WWOX: variants seen among roughly 807,000 people sequenced by gnomAD.
The protein encoded by WWOX is WW domain containing oxidoreductase.
In WWOX, 69 loss-of-function variants were observed where a neutral mutation model predicts 46.2. The observed-to-expected ratio is 1.49, with a 90% confidence interval of 1.23 to 1.82. The LOEUF is 1.82. WWOX is among the 40% of genes most tolerant of loss of function. The pLI, the probability that WWOX is intolerant of heterozygous loss-of-function variation, is 0.00. For missense variants in WWOX, 919 were observed against 542.6 expected, an observed-to-expected ratio of 1.69 and a Z score of -6.89; for synonymous variants, 359 against 202.6, an observed-to-expected ratio of 1.77 and a Z score of -6.56.
chr16:78,187,268 G>T (rs1202559538), intron 5 of WWOX, among the ~76,000 whole-genome samples: 1 of 152,116 alleles, frequency 6.6e-6, no homozygotes, highest in Non-Finnish European at 1.5e-5. Context: ...GCCAAACTTT[G>T]CAAGAGGTGC....
intron 8 of WWOX, among the ~76,000 whole-genome samples, chr16:79,134,224 T>G (rs1282840759): frequency 6.6e-6 from 1 of 152,176 alleles, no homozygotes; most frequent in Non-Finnish European, 1.5e-5. Context: ...GAATCCAATT[T>G]GTTATAAATA....
Position 79,211,749 on chromosome 16 carries a change from C to A in WWOX, c.1198C>A (p.Leu400Ile). 1 of 1,614,214 alleles carries A rather than the reference C, an allele frequency of 6.2e-7. No individual in the cohort carries two copies. Among genetic ancestry groups the A allele is most frequent in the Non-Finnish European group, 8.5e-7 (1 of 1,180,032 alleles). The change falls in exon 9 of 9, where the codon CTC (leucine) becomes ATC (isoleucine). Residue 400 changes from leucine (L) to isoleucine (I), a missense_variant. Transcript: ENST00000566780. ...SEETARTLWA[L>I]SERLIQERLG... The stretch of plus-strand genomic sequence containing the variant: ...AGAGACGGCCCGGACCCTGTGGGCG[C>A]TCAGCGAGAGGCTGATCCAAGAACG...
At chr16:78,594,087 A>G (rs2045417881) in intron 8 of WWOX, among the ~76,000 whole-genome samples, 2 of 152,146 alleles carry the variant, frequency 1.3e-5, no homozygotes, top group South Asian at 4.1e-4. Context: ...CTGCGGCAAG[A>G]GGATGATAAA....
intron 8 of WWOX, among the ~76,000 whole-genome samples, chr16:79,147,684 C>G (rs1400703356): frequency 2.0e-5 from 3 of 152,136 alleles, no homozygotes; most frequent in Non-Finnish European, 4.4e-5. Context: ...TGTTTCCATG[C>G]TATTTTACAT....
intron 8 of WWOX, among the ~76,000 whole-genome samples, chr16:78,485,911 G>A (rs2084625086): frequency 6.6e-6 from 1 of 152,222 alleles, no homozygotes; most frequent in Non-Finnish European, 1.5e-5. Flanking sequence ...AAGCCAGGAA[G>A]CTTCCATGGA....
intron 8 of WWOX, among the ~76,000 whole-genome samples, chr16:78,758,500 A>C (rs1281029039): frequency 2.0e-5 from 3 of 152,234 alleles, no homozygotes; most frequent in East Asian, 1.9e-4. Flanking sequence ...GCTTCCCCCA[A>C]GTGTGTTTCC....
rs935680590 is a variant in WWOX at position 78,726,846 on chromosome 16, C to T, written c.1056+294094C>T. On this transcript the variant is annotated intron_variant, in intron 8 of 8. Transcript: ENST00000566780. ...AATAGGAGGCTTTCAGTTTCTTCAT[C>T]TGTACAATGAGAGTTGAGGGGAGCT... Among the ~76,000 whole-genome samples the T allele has an allele frequency of 5.9e-5, 9 of 152,008 alleles. No homozygotes were observed. In the East Asian group the frequency reaches 1.7e-3, roughly 29 times the overall value.
chr16:78,358,866 CT>C (rs57364873), intron 5 of WWOX, among the ~76,000 whole-genome samples: 13,974 of 120,824 alleles, frequency 0.12, 1,083 homozygotes, highest in East Asian at 0.31. Flanking sequence ...ACACTGTGGT[CT>C]TTTTTTTTTT....
intron 8 of WWOX, among the ~76,000 whole-genome samples, chr16:78,636,879 A>G (rs564080876): frequency 6.6e-6 from 1 of 152,142 alleles, no homozygotes; most frequent in Non-Finnish European, 1.5e-5. Flanking sequence ...TTTAAAGACC[A>G]ATTGTTAAGG....
chr16:78,600,171 AAAGAC>A (rs1444228862), intron 8 of WWOX, among the ~76,000 whole-genome samples: 1 of 152,072 alleles, frequency 6.6e-6, no homozygotes, highest in African/African-American at 2.4e-5. Context: ...AAAGCACAGG[AAAGAC>A]TTGCCCTCAT....
chr16:79,184,473 T>G (rs747012850), intron 8 of WWOX, among the ~76,000 whole-genome samples: 1 of 152,204 alleles, frequency 6.6e-6, no homozygotes, highest in Non-Finnish European at 1.5e-5. Context: ...CTGTTGTCTT[T>G]GCTGCAGACT....
intron 5 of WWOX, among the ~76,000 whole-genome samples, chr16:78,210,654 A>G (rs1309903550): frequency 1.3e-5 from 2 of 152,166 alleles, no homozygotes; most frequent in Admixed American, 1.3e-4. Flanking sequence ...GCTTGTTTAA[A>G]GTTTTTAATG....
chr16:78,516,303 T>C (rs1203032750), intron 8 of WWOX, among the ~76,000 whole-genome samples: 2 of 152,146 alleles, frequency 1.3e-5, no homozygotes, highest in African/African-American at 2.4e-5. Flanking sequence ...CTGTTATGCC[T>C]GCTGCTCTTT....
At chr16:78,370,755 C>G (rs2081657936) in intron 5 of WWOX, among the ~76,000 whole-genome samples, 1 of 132,852 alleles carries the variant, frequency 7.5e-6, no homozygotes, top group Non-Finnish European at 1.6e-5. Context: ...TCTCTATAAA[C>G]TTTTAAACTT....
At chr16:78,676,986 C>T (rs928726176) in intron 8 of WWOX, among the ~76,000 whole-genome samples, 7 of 151,296 alleles carry the variant, frequency 4.6e-5, no homozygotes, top group Non-Finnish European at 8.8e-5. Context: ...TTGCCAAATG[C>T]ATTTTTATTG....
chr16:78,557,849 C>G (rs1294150697), intron 8 of WWOX, among the ~76,000 whole-genome samples: 1 of 151,914 alleles, frequency 6.6e-6, no homozygotes, highest in Non-Finnish European at 1.5e-5. Context: ...TCACCTACCA[C>G]CATACCCAGC....
intron 5 of WWOX, among the ~76,000 whole-genome samples, chr16:78,199,707 A>G (rs529167472): frequency 1.3e-5 from 2 of 152,154 alleles, no homozygotes; most frequent in South Asian, 4.2e-4. Flanking sequence ...TCTGTGTCAC[A>G]TATACATGAC....
In WWOX at chr16:78,115,006, C is replaced by G. The variant is rs368902462; in HGVS notation, c.261C>G (p.Asp87Glu). The stretch of plus-strand genomic sequence containing the variant: ...TAAATAAAAGAACCACCTACTTGGA[C>G]CCAAGACTGGCGTTTACTGTGGATG... ...DHINKRTTYL[D>E]PRLAFTVDDN... The change falls in exon 4 of 9, where the codon GAC (aspartate) becomes GAG (glutamate). Residue 87 changes from aspartate (D) to glutamate (E), a missense_variant. Transcript: ENST00000566780. 9 of 1,614,104 alleles carry G rather than the reference C, an allele frequency of 5.6e-6. No homozygotes were observed. Among genetic ancestry groups the G allele is most frequent in the Non-Finnish European group, 5.1e-6 (6 of 1,180,056 alleles).
chr16:78,126,426 C>G (rs1015230782), intron 4 of WWOX, among the ~76,000 whole-genome samples: 7 of 152,196 alleles, frequency 4.6e-5, no homozygotes, highest in East Asian at 1.9e-4. Context: ...TTAAATTTGC[C>G]TATCTCTGAT....
Sources: gnomAD v4.1 joint callset for allele counts (sites outside exome capture counted in the v4.1 genomes callset) on GRCh38, gnomAD v4.1.1 for gene constraint, MANE v1.5 for transcripts, NCBI Gene and HGNC (gene_info 2026-07-23, HGNC 2026-07-21) for gene names.